Variants in OPCML observed in about 807,000 individuals in gnomAD.
OPCML encodes the protein opioid binding protein/cell adhesion molecule like.
In OPCML, 13 loss-of-function variants were observed where a neutral mutation model predicts 37.8. The observed-to-expected ratio is 0.34, with a 90% CI of 0.22 to 0.55. The LOEUF is 0.55. Ranked by LOEUF, OPCML falls within the 20% of genes least tolerant of loss-of-function variation. The pLI, the probability that OPCML is intolerant of heterozygous loss-of-function variation, is 0.91. For synonymous variants in OPCML, 176 were observed against 168.8 expected (o/e 1.04, Z -0.33); for missense variants, 341 against 435.6 (o/e 0.78, Z 1.93).
chr11:133,522,327 ACAAGT>A (rs1327243950), intron 1 of OPCML, among the ~76,000 whole-genome samples: 1 of 152,220 alleles, frequency 6.6e-6, no homozygotes, highest in African/African-American at 2.4e-5. Flanking sequence ...CGTAGACCAA[ACAAGT>A]CAAGTTGACA....
intron 3 of OPCML, among the ~76,000 whole-genome samples, chr11:132,534,381 A>T (rs2096334599): frequency 6.6e-6 from 1 of 152,220 alleles, no homozygotes; most frequent in African/African-American, 2.4e-5. Context: ...ACTCCCAGTA[A>T]TTAGAACTGT....
At chr11:133,245,142 C>T (rs1940874657) in intron 1 of OPCML, among the ~76,000 whole-genome samples, 1 of 152,186 alleles carries the variant, frequency 6.6e-6, no homozygotes, top group African/African-American at 2.4e-5. Context: ...AAGGGTGCAC[C>T]CTCCTCTAGT....
At chr11:133,428,088 A>G (rs1457521321) in intron 1 of OPCML, among the ~76,000 whole-genome samples, 1 of 152,248 alleles carries the variant, frequency 6.6e-6, no homozygotes, top group Non-Finnish European at 1.5e-5. Flanking sequence ...ATTAAATTCA[A>G]TAGTATGTCT....
At chr11:133,395,490 G>A (rs561558994) in intron 1 of OPCML, among the ~76,000 whole-genome samples, 151 of 152,278 alleles carry the variant, frequency 9.9e-4, no homozygotes, top group African/African-American at 3.6e-3. Context: ...GTCCTGGAAA[G>A]TTTCCCTAAT....
In OPCML at chr11:132,963,444, T is replaced by C. The variant is rs561869730; in HGVS notation, c.62-20434A>G. Among the ~76,000 whole-genome samples the C allele has an allele frequency of 4.8e-4, 73 of 151,836 alleles. 1 individual carries two copies. The Middle Eastern group carries it at 0.014, about 28-fold the overall frequency. On this transcript the variant is annotated intron_variant, in intron 1 of 7. Transcript: ENST00000524381. Reference sequence around the variant, plus strand: ...GTCTCGACTAAAAAATACAAAAAATTAGCCAGGTGTGGTGGAGCACTCCTG... The same window carrying C: ...GTCTCGACTAAAAAATACAAAAAATCAGCCAGGTGTGGTGGAGCACTCCTG...
intron 2 of OPCML, among the ~76,000 whole-genome samples, chr11:132,814,296 G>A (rs1173051069): frequency 6.6e-6 from 1 of 152,164 alleles, no homozygotes; most frequent in Non-Finnish European, 1.5e-5. Context: ...TATTTATTAT[G>A]AGAAATTGGC....
chr11:133,420,837 C>T (rs1352443164), intron 1 of OPCML: 17 of 985,178 alleles, frequency 1.7e-5, no homozygotes, highest in Non-Finnish European at 2.0e-5. Context: ...GATTTCATGC[C>T]AAAATATTAT....
intron 1 of OPCML, among the ~76,000 whole-genome samples, chr11:132,988,634 A>G (rs1405798044): frequency 6.6e-6 from 1 of 152,198 alleles, no homozygotes. Flanking sequence ...TAATGAATAC[A>G]GCCTTCTCTC....
intron 2 of OPCML, among the ~76,000 whole-genome samples, chr11:132,838,131 T>C (rs1292124817): frequency 6.6e-6 from 1 of 152,166 alleles, no homozygotes; most frequent in East Asian, 1.9e-4. Context: ...CCTAAAATAT[T>C]CTGGCTAAAT....
At chr11:132,985,793 C>T (rs1002147850) in intron 1 of OPCML, among the ~76,000 whole-genome samples, 3 of 152,200 alleles carry the variant, frequency 2.0e-5, no homozygotes, top group Admixed American at 2.0e-4. Context: ...TTCAAATCTG[C>T]TTTTCTCTGC....
At chr11:133,025,092 C>T (rs1383234843) in intron 1 of OPCML, 1 of 827,714 alleles carries the variant, frequency 1.2e-6, no homozygotes, top group Non-Finnish European at 1.5e-6. Context: ...AAGCCTAGAG[C>T]TAATTTTCCT....
chr11:132,614,490 A>T (rs115825151), intron 3 of OPCML, among the ~76,000 whole-genome samples: 54 of 152,234 alleles, frequency 3.5e-4, no homozygotes, highest in African/African-American at 1.2e-3. Flanking sequence ...GGGCCTCTGC[A>T]CTGACGTGTC....
At chr11:132,837,898 G>T (rs576565637) in intron 2 of OPCML, among the ~76,000 whole-genome samples, 1 of 152,178 alleles carries the variant, frequency 6.6e-6, no homozygotes, top group Non-Finnish European at 1.5e-5. Flanking sequence ...GTAAACACTC[G>T]ATCTTCTCCT....
At chr11:133,039,977 C>T (rs570838734) in intron 1 of OPCML, among the ~76,000 whole-genome samples, 3 of 151,518 alleles carry the variant, frequency 2.0e-5, no homozygotes, top group South Asian at 2.1e-4. Flanking sequence ...TGCAGTGAGC[C>T]AAGATCACAC....
At chr11:133,528,271 T>C (rs75002324) in intron 1 of OPCML, among the ~76,000 whole-genome samples, 3,009 of 152,354 alleles carry the variant, frequency 0.02, 105 homozygotes, top group African/African-American at 0.068. Flanking sequence ...TGAATGCAGA[T>C]GACGCAGTCT....
chr11:132,568,048 G>C (rs775366605), intron 3 of OPCML, among the ~76,000 whole-genome samples: 4 of 149,140 alleles, frequency 2.7e-5, no homozygotes, highest in Non-Finnish European at 5.9e-5. Flanking sequence ...GTGTGCGCGC[G>C]CGCGCGTGTG....
chr11:132,502,946 C>T (rs2096248721), intron 4 of OPCML, among the ~76,000 whole-genome samples: 1 of 152,154 alleles, frequency 6.6e-6, no homozygotes, highest in Non-Finnish European at 1.5e-5. Flanking sequence ...ATAGCTGATC[C>T]TCACAGCAAT....
intron 3 of OPCML, among the ~76,000 whole-genome samples, chr11:132,643,253 G>T (rs1380359642): frequency 6.6e-6 from 1 of 152,152 alleles, no homozygotes; most frequent in South Asian, 2.1e-4. Flanking sequence ...CTCCAGCCTG[G>T]GTGACAGCGT....
At chr11:133,109,633 C>T (rs1803880232) in intron 1 of OPCML, among the ~76,000 whole-genome samples, 1 of 152,148 alleles carries the variant, frequency 6.6e-6, no homozygotes, top group South Asian at 2.1e-4. Flanking sequence ...AGTTCCCACT[C>T]GACCCAGGAA....
Sources: gnomAD v4.1 joint callset for allele counts (sites outside exome capture counted in the v4.1 genomes callset) on GRCh38, gnomAD v4.1.1 for gene constraint, MANE v1.5 for transcripts, NCBI Gene and HGNC (gene_info 2026-07-23, HGNC 2026-07-21) for gene names.